The following MOV10 variants were observed in gnomAD, a reference collection of about 807,000 sequenced individuals.
MOV10 encodes the protein RNA helicase MOV-10.
A neutral mutation model predicts 108.4 loss-of-function variants in MOV10; 39 were observed. That is an observed-to-expected ratio of 0.36 (90% confidence interval 0.28 to 0.47). MOV10 has a LOEUF of 0.47. MOV10 is among the 20% of genes least tolerant of loss of function. MOV10 has a pLI of 1.00. For missense variants in MOV10, 952 were observed against 1,297.6 expected (o/e 0.73, Z 4.09); for synonymous variants, 490 against 523.1 (o/e 0.94, Z 0.86).
In MOV10 at chr1:112,694,601, C is replaced by A; in HGVS notation, c.1444C>A (p.Pro482Thr). 1 of 1,608,646 alleles carries A rather than the reference C, an allele frequency of 6.2e-7. No individual in the cohort carries two copies. Among genetic ancestry groups the A allele is most frequent in the Non-Finnish European group, 8.5e-7 (1 of 1,177,000 alleles). The change falls in exon 9 of 21, where the codon CCG becomes ACG. Residue 482 changes from proline (P) to threonine (T), a missense_variant. Pro to Thr is a conservative substitution (Grantham distance 38, BLOSUM62 -1). This residue lies in a region of MOV10 where 453 missense variants were observed against 611.5 expected (regional missense o/e 0.74). Transcript: ENST00000369645. The surrounding 1 kb of genome is among the most constrained non-coding windows in gnomAD (Gnocchi z 4.1). ...MLFPVAPRDV[P>T]LLPSDVKLKL... is the part of the protein sequence containing the mutation. ...CTTTCCTGTGGCACCTCGGGACGTC[C>A]CGCTGCTGCCCTCAGATGTGAAACT...
At chr1:112,697,952 A>G (rs375519878) in intron 14 of MOV10, 42 bp from the exon 15 acceptor site, 1 of 1,539,800 alleles carries the variant, frequency 6.5e-7, no homozygotes, top group Non-Finnish European at 9.0e-7. Context: ...GGGCAGAGGG[A>G]ATCTGACCCT....
chr1:112,697,022 G>C lies in MOV10; in HGVS notation c.2198+176G>C, dbSNP rs534171134. ...GCCCCAGCACTGCTGCTTGTTGTCT[G>C]CGTGACTTAGCCAGTGGTTTCACAC... On this transcript the variant is annotated intron_variant, in intron 14 of 20. Transcript: ENST00000369645. Among the ~76,000 whole-genome samples, 5 of 152,300 alleles carry C rather than the reference G, an allele frequency of 3.3e-5. No homozygotes were observed. The South Asian group carries it at 1.0e-3, about 32-fold the overall frequency.
intron 4 of MOV10, 68 bp downstream of exon 4, chr1:112,689,718 G>A (rs1319490125): frequency 6.3e-7 from 1 of 1,589,422 alleles, no homozygotes; most frequent in African/African-American, 1.3e-5. Context: ...TATGCTTTGG[G>A]AAACACACTG....
chr1:112,696,980 G>A, intron 14 of MOV10, 134 bp downstream of exon 14: 3 of 777,668 alleles, frequency 3.9e-6, no homozygotes, highest in Middle Eastern at 3.7e-4. Context: ...TAAACTGGAA[G>A]GCAGGAGGTT....
At chr1:112,695,614 C>T (rs372387340) in intron 11 of MOV10, 40 bp downstream of exon 11, 371 of 1,597,018 alleles carry the variant, frequency 2.3e-4, no homozygotes, top group Non-Finnish European at 2.9e-4. Flanking sequence ...TGGCAAATGC[C>T]GGGGAGGCTC....
chr1:112,697,465 A>G (rs1014782879), intron 14 of MOV10, among the ~76,000 whole-genome samples: 1 of 152,136 alleles, frequency 6.6e-6, no homozygotes, highest in Non-Finnish European at 1.5e-5. Flanking sequence ...GCGAGACTCC[A>G]TCTCAAAAAA....
chr1:112,685,524 G>A (rs183985858), intron 2 of MOV10, among the ~76,000 whole-genome samples: 3 of 151,750 alleles, frequency 2.0e-5, no homozygotes, highest in Non-Finnish European at 2.9e-5. Flanking sequence ...GTGTGGTGGC[G>A]TGCACCTGTA....
chr1:112,674,582 C>G, upstream of MOV10: 1 of 202,984 alleles, frequency 4.9e-6, no homozygotes, highest in East Asian at 1.3e-4. Context: ...GGGCCCCAAG[C>G]GGTAGCCACG....
chr1:112,689,124 G>T lies in MOV10; in HGVS notation c.327G>T (p.Lys109Asn), dbSNP rs764080471. The T allele has an allele frequency of 8.7e-5, 139 of 1,601,210 alleles. No individual in the cohort carries two copies. Among genetic ancestry groups the T allele is most frequent in the Non-Finnish European group, 1.1e-4 (134 of 1,173,986 alleles). ...ISKHHKSLLAKIFYDRAEYLH... is the reference protein window; with the variant it reads ...ISKHHKSLLANIFYDRAEYLH... ...AACACCACAAGTCACTGCTAGCCAA[G>T]ATCTTTTATGACAGGTGTGTGTGTG... Residue 109 changes from lysine (K) to asparagine (N), a missense_variant, in exon 3 of 21, where the codon AAG (lysine) becomes AAT (asparagine). By Grantham distance (94) the Lys-to-Asn change is moderately conservative. Coordinates refer to ENST00000369645, the MANE Select transcript of MOV10 (RefSeq NM_001321324.2).
Position 112,699,719 on chromosome 1 carries a change from G to A in MOV10, c.2618G>A (p.Arg873Gln). 2 of 1,614,206 alleles carry A rather than the reference G, an allele frequency of 1.2e-6. No individual in the cohort carries two copies. Among genetic ancestry groups the A allele is most frequent in the Non-Finnish European group, 1.7e-6 (2 of 1,180,036 alleles). Residue 873 changes from arginine (R) to glutamine (Q), a missense_variant, in exon 18 of 21, where the codon CGA becomes CAA. By Grantham distance (43) the Arg-to-Gln change is conservative (BLOSUM62 1). Around this residue, in one of 5 missense-constraint regions of MOV10, gnomAD observed 65 missense variants for 124.3 expected, o/e 0.52. Coordinates refer to ENST00000369645, the MANE Select transcript of MOV10 (RefSeq NM_001321324.2). ...GSVEEFQGQE[R>Q]SVILISTVRS... The stretch of plus-strand genomic sequence containing the variant: ...GTAGAAGAATTCCAAGGCCAAGAAC[G>A]AAGCGTCATCCTCATCTCCACCGTG...
intron 2 of MOV10, chr1:112,688,463 G>A: frequency 9.6e-7 from 1 of 1,043,334 alleles, no homozygotes; most frequent in Non-Finnish European, 1.2e-6. Context: ...CATCTGTACT[G>A]TCTCTGATCC....
chr1:112,684,668 T>A (rs1157866884), intron 2 of MOV10, among the ~76,000 whole-genome samples: 2 of 152,196 alleles, frequency 1.3e-5, no homozygotes, highest in Admixed American at 1.3e-4. Context: ...TACCAGCAAT[T>A]TATGAGTTCA....
intron 2 of MOV10, among the ~76,000 whole-genome samples, chr1:112,682,504 G>A (rs1454848180): frequency 6.6e-6 from 1 of 152,226 alleles, no homozygotes; most frequent in African/African-American, 2.4e-5. Flanking sequence ...TTTGCAAACA[G>A]CAAAATGTTC....
intron 2 of MOV10, 63 bp from the exon 3 acceptor site, chr1:112,688,872 C>A (rs1449648987): frequency 1.9e-6 from 3 of 1,605,636 alleles, no homozygotes; most frequent in South Asian, 2.2e-5. Context: ...CTTTCCCACC[C>A]GCCGCCCTGC....
chr1:112,678,717 C>T (rs1447163501), intron 2 of MOV10, among the ~76,000 whole-genome samples: 1 of 151,962 alleles, frequency 6.6e-6, no homozygotes, highest in Non-Finnish European at 1.5e-5. Context: ...GAACGGGAGA[C>T]CAGCAGGGCC....
At chr1:112,677,625 A>G (rs1018496116) in intron 2 of MOV10, among the ~76,000 whole-genome samples, 2 of 152,096 alleles carry the variant, frequency 1.3e-5, no homozygotes, top group African/African-American at 4.8e-5. Context: ...AGCCACGCAA[A>G]TGCTAGATCC....
Position 112,698,712 on chromosome 1 carries a change from C to T in MOV10, c.2509-3C>T, listed in dbSNP as rs543644822. On this transcript the variant is annotated splice_region_variant and splice_polypyrimidine_tract_variant and intron_variant, in intron 16 of 20. Transcript: ENST00000369645. ...GAGAAAGGCACCTGTCCCCTCCTTCCAGGTGGAGAAAATCCGTTACTGCAT... is the reference window on the plus strand; with the variant it reads ...GAGAAAGGCACCTGTCCCCTCCTTCTAGGTGGAGAAAATCCGTTACTGCAT... The T allele has an allele frequency of 1.1e-4, 184 of 1,613,864 alleles. 2 individuals are homozygous for T. The East Asian group carries it at 4.0e-3, about 35-fold the overall frequency.
chr1:112,685,387 T>A (rs1672992997), intron 2 of MOV10, among the ~76,000 whole-genome samples: 1 of 151,922 alleles, frequency 6.6e-6, no homozygotes, highest in South Asian at 2.1e-4. Context: ...CCGGGCACGG[T>A]GGCTCACACC....
Position 112,689,421 on chromosome 1 carries a change from G to A in MOV10, c.348G>A (p.Glu116=). Residue 116 remains glutamate, a synonymous_variant, in exon 4 of 21, where the codon GAG becomes GAA. Coordinates refer to ENST00000369645, the MANE Select transcript of MOV10 (RefSeq NM_001321324.2). The part of the protein sequence containing the change: ...LLAKIFYDRA[E]YLHGKHGVDV... ...TGACTCCCCTTCTCCCCAGGGCTGA[G>A]TATCTTCATGGGAAACATGGTGTGG... is the stretch of plus-strand genomic sequence containing the variant. The A allele has an allele frequency of 6.8e-7, 1 of 1,463,214 alleles. No homozygotes were observed. Among genetic ancestry groups the A allele is most frequent in the Non-Finnish European group, 9.5e-7 (1 of 1,057,780 alleles). 90.6% of individuals were successfully genotyped at this position (1,463,214 alleles called of 1,614,324 possible). A position where few individuals can be genotyped will look rare whatever the true frequency, so the allele number is the denominator to read the frequency against.
Sources: gnomAD v4.1 joint callset for allele counts (sites outside exome capture counted in the v4.1 genomes callset) on GRCh38, gnomAD v4.1.1 for gene constraint, gnomAD v4.1.1 regional missense constraint, Gnocchi (gnomAD v3.1) non-coding constraint, MANE v1.5 for transcripts, NCBI Gene and HGNC (gene_info 2026-07-23, HGNC 2026-07-21) for gene names.